Variants in PLPP1 observed in about 807,000 individuals in gnomAD.
PLPP1 encodes the protein phospholipid phosphatase 1.
A neutral mutation model predicts 31.2 loss-of-function variants in PLPP1; 24 were observed. That is an observed-to-expected ratio of 0.77 (90% CI 0.56 to 1.08). The LOEUF is 1.08. Among genes scored for constraint, PLPP1 ranks in the 50% least tolerant of loss-of-function variants. PLPP1 has a pLI of 0.00. For synonymous variants in PLPP1, 146 were observed against 126.3 expected (o/e 1.16, Z -1.05); for missense variants, 319 against 342.7 (o/e 0.93, Z 0.55).
At chr5:55,476,364 A>G (rs1874469) in intron 1 of PLPP1, among the ~76,000 whole-genome samples, 129,845 of 151,804 alleles carry the variant, frequency 0.86, 56,021 homozygotes, top group South Asian at 0.92. Context: ...CAAGCATAAA[A>G]GCACCTAACA....
chr5:55,521,045 C>T (rs1355672099), intron 1 of PLPP1, among the ~76,000 whole-genome samples: 1 of 150,758 alleles, frequency 6.6e-6, no homozygotes, highest in African/African-American at 2.5e-5. Flanking sequence ...GACCTCATCT[C>T]TACCGAAAAA....
intron 3 of PLPP1, among the ~76,000 whole-genome samples, chr5:55,467,357 T>C (rs1364037527): frequency 6.6e-6 from 1 of 152,000 alleles, no homozygotes; most frequent in South Asian, 2.1e-4. Flanking sequence ...AGTTCCATAG[T>C]TGTGAAAGAG....
intron 1 of PLPP1, among the ~76,000 whole-genome samples, chr5:55,479,906 C>T (rs1232272035): frequency 1.3e-5 from 2 of 152,110 alleles, no homozygotes; most frequent in Non-Finnish European, 2.9e-5. Flanking sequence ...AATACAAATT[C>T]TTGTTTGCAT....
At chr5:55,488,234 G>A (rs1752813976) in intron 1 of PLPP1, among the ~76,000 whole-genome samples, 2 of 150,728 alleles carry the variant, frequency 1.3e-5, no homozygotes, top group African/African-American at 4.9e-5. Flanking sequence ...TAGCCCTATT[G>A]CTATTTAAGC....
chr5:55,426,429 T>C (rs1247101213), intron 4 of PLPP1, among the ~76,000 whole-genome samples: 2 of 152,146 alleles, frequency 1.3e-5, no homozygotes, highest in East Asian at 3.8e-4. Flanking sequence ...AAATGGGGCG[T>C]TGCTCTGTTG....
intron 1 of PLPP1, among the ~76,000 whole-genome samples, chr5:55,506,250 T>C (rs1315869732): frequency 9.3e-6 from 1 of 107,830 alleles, no homozygotes; most frequent in Admixed American, 1.0e-4. Context: ...AAGACACAAA[T>C]ACAGCAAATT....
At chr5:55,440,134 A>C (rs1751589513) in intron 4 of PLPP1, among the ~76,000 whole-genome samples, 1 of 152,210 alleles carries the variant, frequency 6.6e-6, no homozygotes, top group Non-Finnish European at 1.5e-5. Flanking sequence ...CATCATCAAG[A>C]TCAATCAAAA....
rs559023738 is a variant in PLPP1 at position 55,463,559 on chromosome 5, G to A, written c.491+4310C>T. On this transcript the variant is annotated intron_variant, in intron 3 of 5. Coordinates refer to ENST00000307259, the MANE Select transcript of PLPP1 (RefSeq NM_003711.4). ...ACCTGTAATCCCAGCTACTCAAGAC[G>A]CTGAGGCATGAGGTTGCAGTGAGCC... Among the ~76,000 whole-genome samples the A allele has an allele frequency of 1.8e-3, 277 of 151,812 alleles. 2 individuals are homozygous for A. The highest frequency in any genetic ancestry group is 5.0e-3 in the African/African-American group (206 of 41,354).
intron 1 of PLPP1, among the ~76,000 whole-genome samples, chr5:55,525,499 TTTTG>T (rs905446051): frequency 6.6e-6 from 1 of 152,154 alleles, no homozygotes; most frequent in Non-Finnish European, 1.5e-5. Flanking sequence ...ATTTTATAAT[TTTTG>T]TTTGTTTAAA....
At chr5:55,488,579 G>A (rs1982932) in intron 1 of PLPP1, among the ~76,000 whole-genome samples, 128,240 of 152,000 alleles carry the variant, frequency 0.84, 54,494 homozygotes, top group South Asian at 0.92. Context: ...CTGGGAGGCG[G>A]AGGTTGCACT....
intron 4 of PLPP1, among the ~76,000 whole-genome samples, chr5:55,435,700 G>A (rs1240976627): frequency 6.6e-6 from 1 of 152,054 alleles, no homozygotes; most frequent in Admixed American, 6.5e-5. Context: ...AGATTAATAG[G>A]AAAAACAAAG....
intron 3 of PLPP1, among the ~76,000 whole-genome samples, chr5:55,453,391 G>A (rs1443676863): frequency 1.3e-5 from 2 of 152,134 alleles, no homozygotes; most frequent in Non-Finnish European, 2.9e-5. Flanking sequence ...CAAAACCGAG[G>A]AGCATTAGGA....
intron 3 of PLPP1, among the ~76,000 whole-genome samples, chr5:55,453,972 T>C (rs1212680615): frequency 6.6e-6 from 1 of 152,032 alleles, no homozygotes; most frequent in Non-Finnish European, 1.5e-5. Flanking sequence ...CTTAAAAACA[T>C]GCTCAAAACA....
At position 55,436,424 on chromosome 5, in the gene PLPP1, G is replaced by A. The variant is rs574137078; in HGVS notation, c.549+5427C>T. Among the ~76,000 whole-genome samples, 22 of 152,232 alleles carry A rather than the reference G, an allele frequency of 1.4e-4. 1 individual carries two copies. In the South Asian group the frequency reaches 4.3e-3, roughly 30 times the overall value. Reference sequence around the variant, plus strand: ...CCTGCACAAGCTCTCTCTGCCTGCCGCCATCCACGTAAGATGTAACTTGCT... The same window carrying A: ...CCTGCACAAGCTCTCTCTGCCTGCCACCATCCACGTAAGATGTAACTTGCT... On this transcript the variant is annotated intron_variant, in intron 4 of 5. Transcript: ENST00000307259.
At chr5:55,476,991 T>G (rs1752563374) in intron 1 of PLPP1, among the ~76,000 whole-genome samples, 1 of 151,444 alleles carries the variant, frequency 6.6e-6, no homozygotes, top group Non-Finnish European at 1.5e-5. Flanking sequence ...TTTAAGATGC[T>G]ACAAGGTTCC....
At chr5:55,534,301 G>C (rs1400575197) in intron 1 of PLPP1, among the ~76,000 whole-genome samples, 1 of 152,178 alleles carries the variant, frequency 6.6e-6, no homozygotes, top group Admixed American at 6.5e-5. Context: ...GCAAACAGAG[G>C]ACAGGAGCAA....
chr5:55,454,656 C>G (rs1055825087), intron 3 of PLPP1, among the ~76,000 whole-genome samples: 9 of 152,202 alleles, frequency 5.9e-5, no homozygotes, highest in African/African-American at 2.2e-4. Context: ...AGGTACTGAT[C>G]TTTAAGTCAC....
At position 55,486,015 on chromosome 5, in the gene PLPP1, A is replaced by G. The variant is rs1487190991; in HGVS notation, c.59-10565T>C. Among the ~76,000 whole-genome samples the G allele has an allele frequency of 2.0e-5, 3 of 152,094 alleles. No homozygotes were observed. In the East Asian group the frequency reaches 5.8e-4, roughly 29 times the overall value. On this transcript the variant is annotated intron_variant, in intron 1 of 5. Transcript: ENST00000307259. ...TCAACAATATACTCTTTTTAATGCC[A>G]ATTTATACCCCTGCCAGATTTGTGT...
At chr5:55,503,463 T>A (rs1753189789) in intron 1 of PLPP1, among the ~76,000 whole-genome samples, 1 of 152,104 alleles carries the variant, frequency 6.6e-6, no homozygotes, top group African/African-American at 2.4e-5. Context: ...TCAATTTATC[T>A]CAACTAATGA....
Sources: gnomAD v4.1 joint callset for allele counts (sites outside exome capture counted in the v4.1 genomes callset) on GRCh38, gnomAD v4.1.1 for gene constraint, MANE v1.5 for transcripts, NCBI Gene and HGNC (gene_info 2026-07-23, HGNC 2026-07-21) for gene names.